Variants in TENM4 observed in about 807,000 individuals in gnomAD.
TENM4 encodes the protein teneurin transmembrane protein 4.
In TENM4, 82 loss-of-function variants were observed where a neutral mutation model predicts 243.3. The ratio of observed to expected loss-of-function variants is 0.34; its 90% CI spans 0.28 to 0.40. TENM4 has a LOEUF of 0.40. Ranked by LOEUF, TENM4 falls within the 10% of genes least tolerant of loss-of-function variation. TENM4 has a pLI of 1.00. For synonymous variants in TENM4, 1,412 were observed against 1,456.3 expected, an observed-to-expected ratio of 0.97 and a Z score of 0.69; for missense variants, 3,138 against 3,673.3, an observed-to-expected ratio of 0.85 and a Z score of 3.77.
At chr11:78,686,290 G>A (rs1386423359) in intron 29 of TENM4, among the ~76,000 whole-genome samples, 1 of 152,214 alleles carries the variant, frequency 6.6e-6, no homozygotes, top group Non-Finnish European at 1.5e-5. Flanking sequence ...AGGGGTGAAG[G>A]TGATGTGCCT....
intron 3 of TENM4, among the ~76,000 whole-genome samples, chr11:79,195,761 T>C (rs1186527506): frequency 6.6e-6 from 1 of 152,166 alleles, no homozygotes; most frequent in Non-Finnish European, 1.5e-5. Flanking sequence ...TGTGGACTTT[T>C]AGGTTGATGC....
At chr11:78,879,309 G>A (rs1426707144) in intron 9 of TENM4, among the ~76,000 whole-genome samples, 15 of 141,256 alleles carry the variant, frequency 1.1e-4, no homozygotes, top group East Asian at 2.2e-4. Context: ...TTGCCCAGCC[G>A]CCACCCGATC....
chr11:79,394,366 T>C (rs1858298044), intron 1 of TENM4, among the ~76,000 whole-genome samples: 1 of 152,170 alleles, frequency 6.6e-6, no homozygotes, highest in Non-Finnish European at 1.5e-5. Flanking sequence ...GAGAACAATA[T>C]ATGAGTTGGA....
At chr11:78,952,314 A>C (rs1407650559) in intron 6 of TENM4, among the ~76,000 whole-genome samples, 1 of 152,222 alleles carries the variant, frequency 6.6e-6, no homozygotes, top group East Asian at 1.9e-4. Flanking sequence ...ATCTGCATGA[A>C]AGTAATAAAC....
intron 29 of TENM4, among the ~76,000 whole-genome samples, chr11:78,683,762 T>C (rs1324593591): frequency 6.6e-6 from 1 of 152,070 alleles, no homozygotes; most frequent in Non-Finnish European, 1.5e-5. Context: ...CTGGGAGCTG[T>C]AGACCGGAGC....
chr11:78,842,211 T>C (rs551998), intron 12 of TENM4, among the ~76,000 whole-genome samples: 49,120 of 152,062 alleles, frequency 0.32, 8,569 homozygotes, highest in Middle Eastern at 0.41. Context: ...CCTTATTTCC[T>C]AATGTAATTA....
At chr11:79,296,061 G>T (rs1173850285) in intron 2 of TENM4, among the ~76,000 whole-genome samples, 1 of 152,086 alleles carries the variant, frequency 6.6e-6, no homozygotes, top group Non-Finnish European at 1.5e-5. Context: ...CACATATATT[G>T]TAAGACAGAA....
Position 79,062,676 on chromosome 11 carries a change from C to T in TENM4, c.493+2062G>A, listed in dbSNP as rs552888664. Among the ~76,000 whole-genome samples, 6 of 152,276 alleles carry T rather than the reference C, an allele frequency of 3.9e-5. No individual in the cohort carries two copies. In the East Asian group the frequency reaches 9.6e-4, roughly 24 times the overall value. On this transcript the variant is annotated intron_variant, in intron 6 of 33. Transcript: ENST00000278550. ...TCAGGGGATGCTAATTTCATTTAAA[C>T]TATTTATTTTATAGATGAGGAAACT...
intron 1 of TENM4, chr11:79,439,099 G>A (rs1859340695): frequency 6.6e-6 from 1 of 151,648 alleles, no homozygotes; most frequent in Non-Finnish European, 1.5e-5. Flanking sequence ...CTCGGCCTCA[G>A]AGCTCAGTAC....
chr11:79,259,891 C>A (rs1220810240), intron 2 of TENM4, among the ~76,000 whole-genome samples: 1 of 152,210 alleles, frequency 6.6e-6, no homozygotes, highest in Non-Finnish European at 1.5e-5. Flanking sequence ...CGCTTGCTGA[C>A]AAGATCCCTG....
intron 20 of TENM4, among the ~76,000 whole-genome samples, chr11:78,735,194 C>T (rs1051950205): frequency 6.6e-6 from 1 of 152,212 alleles, no homozygotes; most frequent in Non-Finnish European, 1.5e-5. Flanking sequence ...GGAGCTATCA[C>T]CCGTTTGCCT....
intron 30 of TENM4, among the ~76,000 whole-genome samples, chr11:78,675,756 G>C (rs1858452137): frequency 6.6e-6 from 1 of 152,150 alleles, no homozygotes; most frequent in Non-Finnish European, 1.5e-5. Context: ...AATAAGAGTA[G>C]CTATTATTGA....
At chr11:79,306,378 C>T (rs1158994284) in intron 1 of TENM4, among the ~76,000 whole-genome samples, 4 of 152,082 alleles carry the variant, frequency 2.6e-5, no homozygotes, top group East Asian at 3.9e-4. Context: ...AGCACACTTG[C>T]CTGGGCCTGG....
chr11:79,256,100 C>G (rs1437553471), intron 2 of TENM4, among the ~76,000 whole-genome samples: 1 of 152,218 alleles, frequency 6.6e-6, no homozygotes, highest in Admixed American at 6.5e-5. Context: ...ATTCCCCCAA[C>G]TCTTCCCTGC....
intron 10 of TENM4, among the ~76,000 whole-genome samples, chr11:78,858,369 A>G (rs1335902692): frequency 1.3e-5 from 2 of 149,752 alleles, no homozygotes; most frequent in African/African-American, 4.9e-5. Flanking sequence ...GTATATGCTG[A>G]AAAAAAAAAG....
At chr11:79,275,876 A>C (rs1277552604) in intron 2 of TENM4, among the ~76,000 whole-genome samples, 1 of 152,254 alleles carries the variant, frequency 6.6e-6, no homozygotes, top group Non-Finnish European at 1.5e-5. Flanking sequence ...CTAAGACCCT[A>C]GCAGAAGGGA....
chr11:78,925,034 C>T (rs888744448), intron 6 of TENM4, among the ~76,000 whole-genome samples: 6 of 152,312 alleles, frequency 3.9e-5, no homozygotes, highest in Middle Eastern at 3.4e-3. Context: ...ATTTCATACA[C>T]GTCACCGCTG....
chr11:79,004,171 G>A (rs561782103), intron 6 of TENM4, among the ~76,000 whole-genome samples: 3 of 152,250 alleles, frequency 2.0e-5, no homozygotes, highest in East Asian at 1.9e-4. Flanking sequence ...AAAGAGAGTT[G>A]GGTAACCAGA....
intron 32 of TENM4, among the ~76,000 whole-genome samples, chr11:78,667,115 A>C (rs1858177043): frequency 6.6e-6 from 1 of 152,180 alleles, no homozygotes; most frequent in Non-Finnish European, 1.5e-5. Flanking sequence ...TTTCTCTAGA[A>C]CTAGCAGCCA....
Sources: allele counts gnomAD v4.1 joint callset (sites outside exome capture counted in the v4.1 genomes callset), GRCh38; gene constraint gnomAD v4.1.1; transcripts MANE v1.5; gene names NCBI Gene and HGNC (gene_info 2026-07-23, HGNC 2026-07-21).